FARP1: variants seen among roughly 807,000 people sequenced by gnomAD.
FARP1 encodes FERM, ARHGEF and pleckstrin domain-containing protein 1.
In FARP1, 52 loss-of-function variants were observed where a neutral mutation model predicts 128.8. That is an observed-to-expected ratio of 0.40 (90% confidence interval 0.32 to 0.51). FARP1 has a LOEUF of 0.51. FARP1 is among the 20% of genes least tolerant of loss of function. FARP1 has a pLI of 0.45. For synonymous variants in FARP1, 580 were observed against 551.8 expected (o/e 1.05, Z -0.72); for missense variants, 1,333 against 1,367.9 (o/e 0.97, Z 0.40).
intron 2 of FARP1, chr13:98,328,972 A>C (rs1374930952): frequency 2.6e-5 from 4 of 152,238 alleles, no homozygotes; most frequent in Non-Finnish European, 5.9e-5. Flanking sequence ...AGAGAAAGCA[A>C]GACTGACGAT....
chr13:98,193,060 CTT>C (rs749551572), intron 1 of FARP1, among the ~76,000 whole-genome samples: 1 of 142,620 alleles, frequency 7.0e-6, no homozygotes, highest in East Asian at 2.1e-4. Context: ...CCAGACTGTT[CTT>C]TTTTTTTTTT....
chr13:98,389,773 A>G (rs1280992716), intron 9 of FARP1, 184 bp from the exon 10 acceptor site: 1 of 558,006 alleles, frequency 1.8e-6, no homozygotes, highest in Non-Finnish European at 3.1e-6. Flanking sequence ...ATGATGGACT[A>G]GGGACCACAT....
At chr13:98,275,593 A>T (rs1245638362) in intron 2 of FARP1, among the ~76,000 whole-genome samples, 1 of 150,960 alleles carries the variant, frequency 6.6e-6, no homozygotes, top group South Asian at 2.1e-4. Flanking sequence ...AGAGTTTGAA[A>T]GGAAATGGTC....
chr13:98,256,948 G>GGTATATATATATATATATATGTAT (rs59128917), intron 2 of FARP1, among the ~76,000 whole-genome samples: 1 of 77,076 alleles, frequency 1.3e-5, no homozygotes, highest in Non-Finnish European at 2.7e-5. Flanking sequence ...TATATATGTG[G>GGTATATATATATATATATATGTAT]ATATATATAT....
Position 98,409,542 on chromosome 13 carries a change from T to C in FARP1, c.1602+17T>C, listed in dbSNP as rs1315477678. On this transcript the variant is annotated intron_variant, in intron 14 of 26. Coordinates refer to ENST00000319562, the MANE Select transcript of FARP1 (RefSeq NM_005766.4). ...CGGAGGAAGGTACAGGGCCGAGGGC[T>C]CAAGCGCGTGTGTGGCTGTGTGTGC... 1 of 1,580,606 alleles carries C rather than the reference T, an allele frequency of 6.3e-7. No individual in the cohort carries two copies. Among genetic ancestry groups the C allele is most frequent in the South Asian group, 1.1e-5 (1 of 88,688 alleles).
intron 1 of FARP1, among the ~76,000 whole-genome samples, chr13:98,205,714 A>G (rs1329983600): frequency 1.3e-5 from 2 of 151,948 alleles, no homozygotes; most frequent in Non-Finnish European, 2.9e-5. Flanking sequence ...TTTTAAATCT[A>G]TTGCTTGCTT....
chr13:98,414,073 G>A (rs10450815), intron 16 of FARP1, among the ~76,000 whole-genome samples: 24,994 of 152,138 alleles, frequency 0.16, 2,200 homozygotes, highest in Middle Eastern at 0.26. Flanking sequence ...TGTCTAATAC[G>A]ACTCATTTTA....
rs1199487304 is a variant in FARP1 at position 98,395,331 on chromosome 13, G to A, written c.1269G>A (p.Gly423=). ...CGAAGGTTTCCGCCGGGGAGCCGGGGTCGCACCCGAGCCCTGCGCCGAGGA... is the reference window on the plus strand; with the variant it reads ...CGAAGGTTTCCGCCGGGGAGCCGGGATCGCACCCGAGCCCTGCGCCGAGGA... ...KEPKVSAGEP[G]SHPSPAPRRS... The change falls in exon 13 of 27, where the codon GGG becomes GGA. Residue 423 remains glycine, a synonymous_variant. Coordinates refer to ENST00000319562, the MANE Select transcript of FARP1 (RefSeq NM_005766.4). The A allele has an allele frequency of 6.2e-7, 1 of 1,610,506 alleles. No homozygotes were observed. Among genetic ancestry groups the A allele is most frequent in the South Asian group, 1.1e-5 (1 of 91,024 alleles).
In FARP1 at chr13:98,232,145, G is replaced by GTTTTTTTTTT. The variant is rs59209045; in HGVS notation, c.171+18744_171+18753dup. 6.5e-4 allele frequency among the ~76,000 whole-genome samples: 69 copies of GTTTTTTTTTT among 105,758 alleles called. 2 individuals are homozygous for GTTTTTTTTTT. Among genetic ancestry groups the GTTTTTTTTTT allele is most frequent in the Middle Eastern group, 5.8e-3 (1 of 172 alleles). The allele number at this position is 105,758 out of a possible 152,430, so 69.4% of individuals were successfully genotyped here. ...GTGCCCGGCTTTTTTTGTTTGGTTG[G>GTTTTTTTTTT]TTTTTTTTTTTTTTTTTTTTTGCTT... On this transcript the variant is annotated intron_variant, in intron 2 of 26. Transcript: ENST00000319562.
chr13:98,412,196 C>T (rs762929525), intron 16 of FARP1, among the ~76,000 whole-genome samples, 162 bp downstream of exon 16: 2 of 152,186 alleles, frequency 1.3e-5, no homozygotes, highest in African/African-American at 4.8e-5. Flanking sequence ...ATCCTACATG[C>T]GTTCAGATCT....
chr13:98,334,002 C>T (rs1248313539), intron 2 of FARP1: 4 of 152,164 alleles, frequency 2.6e-5, no homozygotes, highest in Admixed American at 2.0e-4. Context: ...CATTAGAGCT[C>T]GCCTAGTCTG....
intron 13 of FARP1, chr13:98,399,920 A>G (rs1205650408): frequency 6.6e-6 from 1 of 152,220 alleles, no homozygotes; most frequent in African/African-American, 2.4e-5. Flanking sequence ...AATACATTTA[A>G]TGAGCTCCAG....
chr13:98,320,183 C>G (rs552274705), intron 2 of FARP1, among the ~76,000 whole-genome samples: 2 of 152,238 alleles, frequency 1.3e-5, no homozygotes, highest in Admixed American at 1.3e-4. Context: ...CATTCTCATA[C>G]GTGGGCCTGG....
intron 2 of FARP1, among the ~76,000 whole-genome samples, chr13:98,311,559 GTGTGCA>G (rs1566862902): frequency 4.0e-5 from 5 of 126,304 alleles, no homozygotes; most frequent in Non-Finnish European, 8.8e-5. Context: ...CTGTGTGTGT[GTGTGCA>G]TGTGCGTGTG....
chr13:98,171,809 C>T (rs550960183), intron 1 of FARP1, among the ~76,000 whole-genome samples: 1 of 152,276 alleles, frequency 6.6e-6, no homozygotes, highest in African/African-American at 2.4e-5. Context: ...ATGAGGTAGC[C>T]TCTGAACTCG....
rs1406557030 is a variant in FARP1, at chr13:98,431,080, T to C, written c.1943T>C (p.Leu648Ser). The C allele has an allele frequency of 6.2e-7, 1 of 1,614,142 alleles. No individual in the cohort carries two copies. The highest frequency in any genetic ancestry group is 1.1e-5 in the South Asian group (1 of 91,082). The change falls in exon 18 of 27, where the codon TTG becomes TCG. Residue 648 changes from leucine (L) to serine (S), a missense_variant. Physicochemically the swap from Leu to Ser is moderately radical, Grantham distance 145. Coordinates refer to ENST00000319562, the MANE Select transcript of FARP1 (RefSeq NM_005766.4). ...CACCTGTGGAAGCACAGCGAGGCCT[T>C]GGAGGCCCTGGAGAATGGAATCAAG... ...AAHLWKHSEALEALENGIKSS... is the reference protein window; with the variant it reads ...AAHLWKHSEASEALENGIKSS...
At chr13:98,326,967 G>A (rs1364793366) in intron 2 of FARP1, among the ~76,000 whole-genome samples, 1 of 152,140 alleles carries the variant, frequency 6.6e-6, no homozygotes, top group Non-Finnish European at 1.5e-5. Context: ...TCATGTTATT[G>A]TTTATAAATG....
chr13:98,182,624 G>A (rs1218890193), intron 1 of FARP1, among the ~76,000 whole-genome samples: 1 of 152,176 alleles, frequency 6.6e-6, no homozygotes, highest in African/African-American at 2.4e-5. Flanking sequence ...CAGTGTGGCC[G>A]CATCCAGCCA....
At chr13:98,182,364 C>T (rs1401982958) in intron 1 of FARP1, among the ~76,000 whole-genome samples, 3 of 152,098 alleles carry the variant, frequency 2.0e-5, no homozygotes, top group African/African-American at 4.8e-5. Context: ...CTTGCCCTGT[C>T]GCCCAGGCTG....
Sources: gnomAD v4.1 joint callset for allele counts (sites outside exome capture counted in the v4.1 genomes callset) on GRCh38, gnomAD v4.1.1 for gene constraint, MANE v1.5 for transcripts, NCBI Gene and HGNC (gene_info 2026-07-23, HGNC 2026-07-21) for gene names.